Variants in KCNH8 observed in about 807,000 individuals in gnomAD.
KCNH8 encodes the protein voltage-gated delayed rectifier potassium channel KCNH8.
KCNH8 carries 70 observed loss-of-function variants against 103.6 expected under a neutral mutation model. That is an observed-to-expected ratio of 0.68 (90% CI 0.56 to 0.82). The LOEUF is 0.82. KCNH8 is among the 40% of genes least tolerant of loss of function. The pLI is 0.00. For missense variants in KCNH8, 1,217 were observed against 1,329.9 expected (o/e 0.92, Z 1.32); for synonymous variants, 498 against 489.4 (o/e 1.02, Z -0.23).
At chr3:19,185,679 G>C (rs2063494912) in intron 1 of KCNH8, among the ~76,000 whole-genome samples, 1 of 150,396 alleles carries the variant, frequency 6.6e-6, no homozygotes, top group Non-Finnish European at 1.5e-5. Flanking sequence ...CACTGTAATT[G>C]ATAGTTTAGG....
Position 19,520,184 on chromosome 3 carries a change from C to T in KCNH8, c.2619+2110C>T, listed in dbSNP as rs376992549. Among the ~76,000 whole-genome samples, 34 of 151,024 alleles carry T rather than the reference C, an allele frequency of 2.3e-4. No homozygotes were observed. The South Asian group carries it at 2.7e-3, about 12-fold the overall frequency. On this transcript the variant is annotated intron_variant, in intron 15 of 15. Coordinates refer to ENST00000328405, the MANE Select transcript of KCNH8 (RefSeq NM_144633.3). Reference sequence around the variant, plus strand: ...TATGGTGGTTTGCTGTACCTATCAACCCGTCATCTACATTAGGTATTTCTC... The same window carrying T: ...TATGGTGGTTTGCTGTACCTATCAATCCGTCATCTACATTAGGTATTTCTC...
chr3:19,360,470 G>T (rs2065933753), intron 5 of KCNH8, among the ~76,000 whole-genome samples: 1 of 152,026 alleles, frequency 6.6e-6, no homozygotes, highest in South Asian at 2.1e-4. Flanking sequence ...TTTTGTATAT[G>T]TTTTATTGTT....
intron 2 of KCNH8, among the ~76,000 whole-genome samples, chr3:19,275,321 G>A (rs2064653179): frequency 6.6e-6 from 1 of 151,754 alleles, no homozygotes; most frequent in Admixed American, 6.6e-5. Flanking sequence ...ATTAAACATT[G>A]AAATGAAGGG....
chr3:19,464,114 T>C (rs2067688974), intron 11 of KCNH8, among the ~76,000 whole-genome samples: 1 of 151,996 alleles, frequency 6.6e-6, no homozygotes, highest in Admixed American at 6.6e-5. Context: ...AAGAACAAAA[T>C]TTGAGGATTT....
chr3:19,409,763 A>G (rs1013009551), intron 7 of KCNH8, among the ~76,000 whole-genome samples: 1 of 152,180 alleles, frequency 6.6e-6, no homozygotes, highest in Non-Finnish European at 1.5e-5. Context: ...GTAAAAAATG[A>G]CAAGAAGCAC....
chr3:19,301,017 A>C (rs1231483946), intron 3 of KCNH8, among the ~76,000 whole-genome samples: 1 of 151,654 alleles, frequency 6.6e-6, no homozygotes, highest in Non-Finnish European at 1.5e-5. Flanking sequence ...TCTTCTAAGT[A>C]TTTTCATATA....
chr3:19,293,781 G>T (rs989423825), intron 3 of KCNH8, among the ~76,000 whole-genome samples: 6 of 152,300 alleles, frequency 3.9e-5, no homozygotes, highest in Middle Eastern at 3.4e-3. Context: ...CTTTGCTTTT[G>T]TTGAGGATCT....
rs1186241542 is a variant in KCNH8, at chr3:19,371,871, C to T, written c.812-18610C>T. Among the ~76,000 whole-genome samples the T allele has an allele frequency of 4.5e-4, 67 of 150,558 alleles. 1 individual carries two copies. The South Asian group carries it at 0.014, about 31-fold the overall frequency. On this transcript the variant is annotated intron_variant, in intron 5 of 15. Transcript: ENST00000328405. ...CAGCACCATTTATTAAATAGGGAAT[C>T]CTTTCCCCATTGCTTGTTTTTCTCA...
At chr3:19,230,633 T>A (rs977399210) in intron 1 of KCNH8, among the ~76,000 whole-genome samples, 10 of 152,198 alleles carry the variant, frequency 6.6e-5, no homozygotes, top group African/African-American at 2.4e-4. Flanking sequence ...GAAATAGGTA[T>A]TTTTTACATT....
intron 1 of KCNH8, among the ~76,000 whole-genome samples, chr3:19,216,185 C>T (rs1465104674): frequency 2.6e-5 from 4 of 152,148 alleles, no homozygotes; most frequent in Admixed American, 2.0e-4. Context: ...TAAATTTTAC[C>T]CTTTCCCCTT....
chr3:19,447,925 G>A (rs1234958703), intron 8 of KCNH8, among the ~76,000 whole-genome samples: 1 of 151,804 alleles, frequency 6.6e-6, no homozygotes, highest in Non-Finnish European at 1.5e-5. Flanking sequence ...ATACATTCTT[G>A]CGTGTATCAA....
At chr3:19,197,204 G>A (rs75515507) in intron 1 of KCNH8, among the ~76,000 whole-genome samples, 14,781 of 151,908 alleles carry the variant, frequency 0.097, 2,382 homozygotes, top group African/African-American at 0.33. Context: ...ATTTTGAACT[G>A]TTGACTCCAG....
chr3:19,308,719 CCCCTCTCTCCCTCTCT>C lies in KCNH8; in HGVS notation c.442+27428_442+27443del, dbSNP rs1374373114. Reference sequence around the variant, plus strand: ...CTCTCTCTCTCTCTCTCTCTCTCTCCCCCTCTCTCCCTCTCTCCCTCTCTCCCTCTCTCCCTCTCTC... The same window carrying C: ...CTCTCTCTCTCTCTCTCTCTCTCTCCCCCTCTCTCCCTCTCTCCCTCTCTC... On this transcript the variant is annotated intron_variant, in intron 3 of 15. Transcript: ENST00000328405. Among the ~76,000 whole-genome samples, 90 of 12,246 alleles carry C rather than the reference CCCCTCTCTCCCTCTCT, an allele frequency of 7.3e-3. 3 individuals are homozygous for C. The highest frequency in any genetic ancestry group is 0.041 in the Admixed American group (41 of 1,008). 8.0% of individuals were successfully genotyped at this position (12,246 alleles called of 152,430 possible). A position where few individuals can be genotyped will look rare whatever the true frequency, so the allele number is the denominator to read the frequency against.
Position 19,513,235 on chromosome 3 carries a change from AC to A in KCNH8, c.2352del (p.Asn785ThrfsTer10), listed in dbSNP as rs760381227. ...SNSPKTKQEI[D>X]PPNHNKRKEK... ...TCCCCCAAAACCAAGCAGGAAATTG[AC>A]CCCCCCAACCATAATAAAAGGAAAG... On this transcript the variant is annotated frameshift_variant, in exon 13 of 16. Coordinates refer to ENST00000328405, the MANE Select transcript of KCNH8 (RefSeq NM_144633.3). LOFTEE classifies it high-confidence loss of function. 5.1e-6 allele frequency: 8 copies of A among 1,582,256 alleles called. No individual in the cohort carries two copies. Among genetic ancestry groups the A allele is most frequent in the East Asian group, 2.3e-5 (1 of 44,230 alleles).
chr3:19,486,211 G>T (rs530303714), intron 11 of KCNH8, among the ~76,000 whole-genome samples: 5 of 152,334 alleles, frequency 3.3e-5, no homozygotes, highest in African/African-American at 1.2e-4. Flanking sequence ...AATAGACTGA[G>T]CCCAACACCT....
intron 3 of KCNH8, among the ~76,000 whole-genome samples, chr3:19,302,752 T>C (rs964073367): frequency 6.6e-6 from 1 of 152,232 alleles, no homozygotes; most frequent in Non-Finnish European, 1.5e-5. Context: ...TTTGTTATTT[T>C]CCTTAAGCCC....
chr3:19,305,685 CAAAG>C (rs1192361116), intron 3 of KCNH8, among the ~76,000 whole-genome samples: 1 of 151,720 alleles, frequency 6.6e-6, no homozygotes, highest in African/African-American at 2.4e-5. Context: ...ATATAGAAAA[CAAAG>C]CAAACTAAAA....
chr3:19,490,580 C>G (rs2068298716), intron 11 of KCNH8, among the ~76,000 whole-genome samples: 1 of 152,152 alleles, frequency 6.6e-6, no homozygotes, highest in African/African-American at 2.4e-5. Context: ...ACTACCAGGC[C>G]CCAGGGTGTG....
chr3:19,148,626 G>T lies in KCNH8; in HGVS notation c.-94G>T. 1 of 1,235,552 alleles carries T rather than the reference G, an allele frequency of 8.1e-7. No individual in the cohort carries two copies. Among genetic ancestry groups the T allele is most frequent in the Non-Finnish European group, 1.2e-6 (1 of 834,560 alleles). The allele number at this position is 1,235,552 out of a possible 1,614,324, so 76.5% of individuals were successfully genotyped here. On this transcript the variant is annotated 5_prime_UTR_variant, in exon 1 of 16. Coordinates refer to ENST00000328405, the MANE Select transcript of KCNH8 (RefSeq NM_144633.3). Reference sequence around the variant, plus strand: ...TCAGGCCGGGTCCCCCTTCCCTGCCGTCATCAGGTTCCCCTTCTCCCTTCT... The same window carrying T: ...TCAGGCCGGGTCCCCCTTCCCTGCCTTCATCAGGTTCCCCTTCTCCCTTCT...
Sources: allele counts gnomAD v4.1 joint callset (sites outside exome capture counted in the v4.1 genomes callset), GRCh38; gene constraint gnomAD v4.1.1; transcripts MANE v1.5; gene names NCBI Gene and HGNC (gene_info 2026-07-23, HGNC 2026-07-21).